Variants in IL13RA1 observed in about 807,000 individuals in gnomAD.
IL13RA1 encodes the protein interleukin 13 receptor subunit alpha 1, also known as interleukin-13 receptor subunit alpha-1.
IL13RA1 carries 14 observed loss-of-function variants against 33.8 expected under a neutral mutation model. The observed-to-expected ratio is 0.41, with a 90% CI of 0.27 to 0.65. The LOEUF (loss-of-function observed/expected upper bound fraction) is 0.65. Among genes scored for constraint, IL13RA1 ranks in the 30% least tolerant of loss-of-function variants. IL13RA1 has a pLI of 0.28. For missense variants in IL13RA1, 313 were observed against 327.0 expected (o/e 0.96, Z 0.33); for synonymous variants, 116 against 115.7 (o/e 1.00, Z -0.02).
At chrX:118,788,658 T>A (rs749169672) in intron 10 of IL13RA1, among the ~76,000 whole-genome samples, 4 of 111,975 alleles carry the variant, frequency 3.6e-5, no homozygotes, top group Non-Finnish European at 7.5e-5. Flanking sequence ...CTAAATAATA[T>A]TCCATTGTGT....
chrX:118,784,154 T>TATATAC (rs1361849499), intron 10 of IL13RA1, among the ~76,000 whole-genome samples: 4 of 95,101 alleles, frequency 4.2e-5, no homozygotes, highest in African/African-American at 1.6e-4. Context: ...TATACGTATA[T>TATATAC]ACACATATAT....
rs2017655070 is a variant in IL13RA1, at chrX:118,766,851, C to G, written c.884C>G (p.Ser295Cys). The change falls in exon 8 of 11, where the codon TCT becomes TGT. Residue 295 changes from serine (S) to cysteine (C), a missense_variant. Physicochemically the swap from Ser to Cys is moderately radical, Grantham distance 112 (BLOSUM62 -1). Coordinates refer to ENST00000371666, the MANE Select transcript of IL13RA1 (RefSeq NM_001560.3). ...TTTTATTTTATGCCTAAGAATACAT[C>G]TTGTTTCATGGTCCCTGGTGTTCTT... ...PEFERNVENT[S>C]CFMVPGVLPD... The G allele has an allele frequency of 9.5e-7, 1 of 1,047,572 alleles. No individual in the cohort carries two copies. Among genetic ancestry groups the G allele is most frequent in the Non-Finnish European group, 1.3e-6 (1 of 760,908 alleles). 86.3% of individuals were successfully genotyped at this position (1,047,572 alleles called of 1,213,427 possible). A position where few individuals can be genotyped will look rare whatever the true frequency, so the allele number is the denominator to read the frequency against.
downstream of IL13RA1, among the ~76,000 whole-genome samples, chrX:118,796,262 G>A (rs765947536): frequency 8.9e-6 from 1 of 111,928 alleles, no homozygotes; most frequent in Middle Eastern, 4.2e-3. Context: ...TGTTGTTAAC[G>A]TCATTTTACA....
In IL13RA1 at chrX:118,792,984, G is replaced by A. The variant is rs183553436; in HGVS notation, c.*1130G>A. The A allele has an allele frequency of 1.8e-5, 2 of 111,528 alleles. No individual in the cohort carries two copies. The highest frequency in any genetic ancestry group is 3.8e-5 in the Non-Finnish European group (2 of 53,079). The allele number at this position is 111,528 out of a possible 1,213,427, so 9.2% of individuals were successfully genotyped here. On this transcript the variant is annotated 3_prime_UTR_variant, in exon 11 of 11. Transcript: ENST00000371666. ...TGTGAAGCACAGACCCCTTCCAGGG[G>A]TTTACAGTCTATTTGAGACTCCTCA...
At chrX:118,732,165 CT>C (rs1410963928) in intron 1 of IL13RA1, among the ~76,000 whole-genome samples, 1 of 110,851 alleles carries the variant, frequency 9.0e-6, no homozygotes, top group Non-Finnish European at 1.9e-5. Context: ...CTCTTTTTAT[CT>C]TGTAAAACTG....
At chrX:118,760,507 T>C (rs1038378358) in intron 5 of IL13RA1, among the ~76,000 whole-genome samples, 14 of 111,878 alleles carry the variant, frequency 1.3e-4, no homozygotes, top group African/African-American at 4.2e-4. Flanking sequence ...TTCTCTATGT[T>C]GCGTCTAGAT....
intron 8 of IL13RA1, among the ~76,000 whole-genome samples, chrX:118,773,588 T>TA (rs1285833179): frequency 8.0e-5 from 9 of 112,163 alleles, no homozygotes; most frequent in Admixed American, 5.7e-4. Flanking sequence ...GGTCCTAGTC[T>TA]CTGAGTTTTT....
intron 10 of IL13RA1, among the ~76,000 whole-genome samples, chrX:118,791,502 T>C (rs943987031): frequency 1.8e-5 from 2 of 110,872 alleles, no homozygotes; most frequent in Non-Finnish European, 3.8e-5. Context: ...CAAATTTGTT[T>C]ATTTCTGGAG....
At chrX:118,782,517 G>A (rs1384613224) in intron 10 of IL13RA1, among the ~76,000 whole-genome samples, 1 of 111,664 alleles carries the variant, frequency 9.0e-6, no homozygotes, top group Non-Finnish European at 1.9e-5. Context: ...ATCCATTAAG[G>A]TGAGGAGTTG....
chrX:118,797,870 T>A (rs2018039940), downstream of IL13RA1, among the ~76,000 whole-genome samples: 1 of 111,409 alleles, frequency 9.0e-6, no homozygotes, highest in East Asian at 2.8e-4. Context: ...ATGCAGATTT[T>A]CTCCCAGAGC....
chrX:118,727,739 C>T lies in IL13RA1; in HGVS notation c.88+13C>T. 3.7e-6 allele frequency: 3 copies of T among 809,318 alleles called. No individual in the cohort carries two copies. The highest frequency in any genetic ancestry group is 4.6e-6 in the Non-Finnish European group (3 of 648,215). 66.7% of individuals were successfully genotyped at this position (809,318 alleles called of 1,213,427 possible). ...GCCGCGCCTACGGGTGAGTGCGACC[C>T]TCGGGGCCCGAGGGGCGGCCGGAGG... On this transcript the variant is annotated intron_variant, in intron 1 of 10. Coordinates refer to ENST00000371666, the MANE Select transcript of IL13RA1 (RefSeq NM_001560.3).
chrX:118,738,509 T>A (rs1320341994), intron 1 of IL13RA1, among the ~76,000 whole-genome samples: 3 of 112,006 alleles, frequency 2.7e-5, no homozygotes, highest in Admixed American at 1.9e-4. Context: ...TCACTTAGGA[T>A]AAAGGCCTCC....
At position 118,749,823 on chromosome X, in the gene IL13RA1, G is replaced by GT. The variant is rs776200896; in HGVS notation, c.488+47dup. On this transcript the variant is annotated intron_variant, in intron 4 of 10. Coordinates refer to ENST00000371666, the MANE Select transcript of IL13RA1 (RefSeq NM_001560.3). ...TTACTGGAAGACTGATTGTAATTGT[G>GT]TTGGGAGCCTTTGGATCCAACCTAG... 1.3e-4 allele frequency: 125 copies of GT among 941,369 alleles called. No homozygotes were observed. The African/African-American group carries it at 1.9e-3, about 15-fold the overall frequency. 77.6% of individuals were successfully genotyped at this position (941,369 alleles called of 1,213,427 possible). A position where few individuals can be genotyped will look rare whatever the true frequency, so the allele number is the denominator to read the frequency against.
intron 10 of IL13RA1, among the ~76,000 whole-genome samples, chrX:118,783,207 G>A (rs908972595): frequency 1.1e-4 from 12 of 111,629 alleles, no homozygotes; most frequent in African/African-American, 3.9e-4. Context: ...ATAACATGCC[G>A]TTTTTCTAGG....
intron 9 of IL13RA1, among the ~76,000 whole-genome samples, chrX:118,774,364 G>A (rs780802798): frequency 1.3e-4 from 14 of 109,998 alleles, no homozygotes; most frequent in African/African-American, 4.6e-4. Context: ...GGCCAGGCTC[G>A]TCTCAAACTC....
intron 2 of IL13RA1, among the ~76,000 whole-genome samples, chrX:118,744,337 A>G (rs1288169846): frequency 1.8e-5 from 2 of 111,570 alleles, no homozygotes; most frequent in Admixed American, 9.5e-5. Flanking sequence ...TCCCTTTTCT[A>G]TGTTATTATT....
Position 118,793,040 on chromosome X carries a change from C to T in IL13RA1, c.*1186C>T, listed in dbSNP as rs778347251. On this transcript the variant is annotated 3_prime_UTR_variant, in exon 11 of 11. Coordinates refer to ENST00000371666, the MANE Select transcript of IL13RA1 (RefSeq NM_001560.3). ...TGCCACTTTTTTTTTTAATCTCCAC[C>T]AGTCATTTTTCAGACCTTTTAACTC... is the stretch of plus-strand genomic sequence containing the variant. 2 of 111,344 alleles carry T rather than the reference C, an allele frequency of 1.8e-5. No homozygotes were observed. The highest frequency in any genetic ancestry group is 9.6e-5 in the Admixed American group (1 of 10,426). The allele number at this position is 111,344 out of a possible 1,213,427, so 9.2% of individuals were successfully genotyped here. A position where few individuals can be genotyped will look rare whatever the true frequency, so the allele number is the denominator to read the frequency against.
downstream of IL13RA1, among the ~76,000 whole-genome samples, chrX:118,798,320 CTTTA>C (rs2018043289): frequency 1.6e-5 from 1 of 64,276 alleles, no homozygotes; most frequent in African/African-American, 9.8e-5. Flanking sequence ...ATTGTCTCCC[CTTTA>C]TTTTTTTATG....
intron 1 of IL13RA1, among the ~76,000 whole-genome samples, chrX:118,740,793 A>C (rs900067488): frequency 3.6e-5 from 4 of 111,836 alleles, no homozygotes; most frequent in African/African-American, 6.5e-5. Flanking sequence ...AAAAAACAAC[A>C]ACAACAAAAA....
Sources: allele counts gnomAD v4.1 joint callset (sites outside exome capture counted in the v4.1 genomes callset), GRCh38; gene constraint gnomAD v4.1.1; transcripts MANE v1.5; gene names NCBI Gene and HGNC (gene_info 2026-07-23, HGNC 2026-07-21).